The following ZFHX3 variants were observed in gnomAD, a reference collection of about 807,000 sequenced individuals.
The protein encoded by ZFHX3 is zinc finger homeobox protein 3.
A neutral mutation model predicts 279.1 loss-of-function variants in ZFHX3; 42 were observed. The observed-to-expected ratio is 0.15, with a 90% confidence interval of 0.12 to 0.19. The LOEUF is 0.19. Ranked by LOEUF, ZFHX3 falls within the 10% of genes least tolerant of loss-of-function variation. The pLI is 1.00. For missense variants in ZFHX3, 4,981 were observed against 4,754.0 expected, an observed-to-expected ratio of 1.05 and a Z score of -1.40; for synonymous variants, 2,293 against 1,957.8, an observed-to-expected ratio of 1.17 and a Z score of -4.52.
intron 2 of ZFHX3, among the ~76,000 whole-genome samples, chr16:73,489,073 T>A (rs2019017505): frequency 6.6e-6 from 1 of 152,232 alleles, no homozygotes; most frequent in African/African-American, 2.4e-5. Flanking sequence ...CCAGATTTTC[T>A]GAGCAATTCA....
At chr16:72,931,862 G>T (rs1270950731) in intron 3 of ZFHX3, among the ~76,000 whole-genome samples, 1 of 152,176 alleles carries the variant, frequency 6.6e-6, no homozygotes, top group Non-Finnish European at 1.5e-5. Context: ...ACACTCACTT[G>T]CGTCCAGAAG....
chr16:72,864,137 C>G (rs1453622073), intron 4 of ZFHX3, among the ~76,000 whole-genome samples: 1 of 152,056 alleles, frequency 6.6e-6, no homozygotes, highest in African/African-American at 2.4e-5. Flanking sequence ...AAATTTCCTT[C>G]CCTGACTATC....
rs573525808 is a variant in ZFHX3, at chr16:73,211,088, A to G, written c.-1104+45959T>C. ...ACCCCTGGCTTTACATTCAAAGTCC[A>G]CATCAGGACAATGTCGTGGGTTGGT... On this transcript the variant is annotated intron_variant, in intron 5 of 17. Transcript: ENST00000641206. Among the ~76,000 whole-genome samples, 86 of 152,320 alleles carry G rather than the reference A, an allele frequency of 5.6e-4. No homozygotes were observed. In the Middle Eastern group the frequency reaches 0.01, roughly 18 times the overall value.
chr16:73,611,587 A>C lies in ZFHX3; in HGVS notation c.-1547+68593T>G, dbSNP rs371399200. 7.2e-5 allele frequency among the ~76,000 whole-genome samples: 11 copies of C among 152,308 alleles called. No homozygotes were observed. In the East Asian group the frequency reaches 1.7e-3, roughly 24 times the overall value. On this transcript the variant is annotated intron_variant, in intron 2 of 17. Coordinates refer to the ZFHX3 transcript ENST00000641206. ...CATAAGGTGATAGTTAAGCAACCACATACTCTTCTGTGATTGAAAAGAAAA... is the reference window on the plus strand; with the variant it reads ...CATAAGGTGATAGTTAAGCAACCACCTACTCTTCTGTGATTGAAAAGAAAA...
At chr16:73,480,500 G>A (rs2018846675) in intron 2 of ZFHX3, among the ~76,000 whole-genome samples, 1 of 152,152 alleles carries the variant, frequency 6.6e-6, no homozygotes, top group Non-Finnish European at 1.5e-5. Context: ...AAGTTCCTGG[G>A]TGGTAAGTCT....
intron 2 of ZFHX3, among the ~76,000 whole-genome samples, chr16:73,480,636 C>T (rs537299672): frequency 5.1e-4 from 78 of 152,312 alleles, no homozygotes; most frequent in African/African-American, 1.8e-3. Flanking sequence ...TGTTTCCCCA[C>T]AGCAGGATGC....
chr16:73,840,326 A>C (rs1961270784), intron 1 of ZFHX3, among the ~76,000 whole-genome samples: 5 of 152,088 alleles, frequency 3.3e-5, no homozygotes, highest in Admixed American at 3.3e-4. Context: ...AAAAGCCCCC[A>C]CCACCATCAC....
intron 1 of ZFHX3, among the ~76,000 whole-genome samples, chr16:73,738,749 G>A (rs1032425613): frequency 2.6e-5 from 4 of 152,100 alleles, no homozygotes; most frequent in East Asian, 3.9e-4. Flanking sequence ...GAATTCACAC[G>A]GCTCCAGTCT....
chr16:73,879,773 A>G (rs73607328), intron 1 of ZFHX3, among the ~76,000 whole-genome samples: 215 of 152,206 alleles, frequency 1.4e-3, no homozygotes, highest in African/African-American at 5.0e-3. Context: ...TAATTACTGT[A>G]GGATGGTGAG....
rs138221934 is a variant in ZFHX3, at chr16:73,227,081, A to G, written c.-1104+29966T>C. ...TTGCTTTTACACTTTCTGGGACACTATTAAACTTGATTTACGTTAATAGCA... is the reference window on the plus strand; with the variant it reads ...TTGCTTTTACACTTTCTGGGACACTGTTAAACTTGATTTACGTTAATAGCA... On this transcript the variant is annotated intron_variant, in intron 5 of 17. Transcript: ENST00000641206. Among the ~76,000 whole-genome samples the G allele has an allele frequency of 3.5e-4, 54 of 152,344 alleles. 1 individual carries two copies. The Middle Eastern group carries it at 0.017, about 48-fold the overall frequency.
intron 1 of ZFHX3, among the ~76,000 whole-genome samples, chr16:73,844,931 A>G (rs1219413696): frequency 6.6e-6 from 1 of 152,034 alleles, no homozygotes; most frequent in African/African-American, 2.4e-5. Context: ...AACTCTAAAA[A>G]TGGGGCACTC....
At chr16:72,849,180 C>T (rs1455830504) in intron 4 of ZFHX3, among the ~76,000 whole-genome samples, 1 of 152,184 alleles carries the variant, frequency 6.6e-6, no homozygotes, top group Non-Finnish European at 1.5e-5. Context: ...CGGAGAGTGT[C>T]CCTGGGGACA....
At chr16:73,842,067 T>A (rs1961324130) in intron 1 of ZFHX3, among the ~76,000 whole-genome samples, 3 of 150,112 alleles carry the variant, frequency 2.0e-5, no homozygotes, top group Non-Finnish European at 4.4e-5. Context: ...AAAAAAAAAA[T>A]TAGCCAGGCA....
At chr16:73,154,326 T>G (rs563715304) in intron 5 of ZFHX3, among the ~76,000 whole-genome samples, 1 of 152,326 alleles carries the variant, frequency 6.6e-6, no homozygotes, top group East Asian at 1.9e-4. Context: ...TTTTGGAGTT[T>G]GGAGAGATCA....
intron 1 of ZFHX3, among the ~76,000 whole-genome samples, chr16:73,700,131 G>A (rs777313078): frequency 1.3e-5 from 2 of 152,100 alleles, no homozygotes; most frequent in Non-Finnish European, 2.9e-5. Flanking sequence ...GCCGATGTGG[G>A]AGGATCACTT....
chr16:73,486,869 C>A (rs1567498775), intron 2 of ZFHX3: 1 of 455,970 alleles, frequency 2.2e-6, no homozygotes, highest in Non-Finnish European at 4.4e-6. Flanking sequence ...GGAGCAAGAC[C>A]ACTTCAACTC....
At chr16:72,837,932 A>G (rs529901849) in intron 4 of ZFHX3, among the ~76,000 whole-genome samples, 174 of 152,296 alleles carry the variant, frequency 1.1e-3, no homozygotes, top group African/African-American at 4.0e-3. Context: ...GGATCCTTTA[A>G]GTAATCATTT....
chr16:72,929,503 T>C (rs1050945701), intron 3 of ZFHX3, among the ~76,000 whole-genome samples: 1 of 152,110 alleles, frequency 6.6e-6, no homozygotes, highest in Non-Finnish European at 1.5e-5. Context: ...ATGAGAACGA[T>C]ATGTCTAGAG....
chr16:73,555,945 G>A (rs892100010), intron 2 of ZFHX3, among the ~76,000 whole-genome samples: 2 of 152,176 alleles, frequency 1.3e-5, no homozygotes, highest in African/African-American at 2.4e-5. Context: ...TTGTTTAAGT[G>A]TCTAGAGAGG....
Sources: allele counts gnomAD v4.1 joint callset (sites outside exome capture counted in the v4.1 genomes callset), GRCh38; gene constraint gnomAD v4.1.1; transcripts MANE v1.5; gene names NCBI Gene and HGNC (gene_info 2026-07-23, HGNC 2026-07-21).